The following ARHGAP29 variants were observed in gnomAD, a reference collection of about 807,000 sequenced individuals.
The protein encoded by ARHGAP29 is Rho GTPase activating protein 29, also known as rho GTPase-activating protein 29.
ARHGAP29 carries 43 observed loss-of-function variants against 122.6 expected under a neutral mutation model. The observed-to-expected ratio is 0.35, with a 90% CI of 0.27 to 0.45. The LOEUF is 0.45. Among genes scored for constraint, ARHGAP29 ranks in the 20% least tolerant of loss-of-function variants. The pLI, the probability that ARHGAP29 is intolerant of heterozygous loss-of-function variation, is 1.00. For missense variants in ARHGAP29, 1,303 were observed against 1,477.2 expected, an observed-to-expected ratio of 0.88 and a Z score of 1.93; for synonymous variants, 506 against 497.1, an observed-to-expected ratio of 1.02 and a Z score of -0.24.
At chr1:94,188,324 C>CA (rs2101422784) in intron 15 of ARHGAP29, among the ~76,000 whole-genome samples, 1 of 151,750 alleles carries the variant, frequency 6.6e-6, no homozygotes, top group African/African-American at 2.4e-5. Context: ...ACAGAAATAC[C>CA]AAAATAACAT....
Position 94,172,329 on chromosome 1 carries a change from TTTC to T in ARHGAP29, c.*1537_*1539del, listed in dbSNP as rs1266943222. 1 of 152,174 alleles carries T rather than the reference TTTC, an allele frequency of 6.6e-6. No individual in the cohort carries two copies. The highest frequency in any genetic ancestry group is 2.4e-5 in the African/African-American group (1 of 41,462). 9.4% of individuals were successfully genotyped at this position (152,174 alleles called of 1,614,324 possible). ...AGGCTCAATACACATGGGCTCTAATTTTCTTTTTAGGTATTCATAGCAATATGA... is the reference window on the plus strand; with the variant it reads ...AGGCTCAATACACATGGGCTCTAATTTTTTTAGGTATTCATAGCAATATGA... On this transcript the variant is annotated 3_prime_UTR_variant, in exon 23 of 23. Transcript: ENST00000260526.
chr1:94,297,517 T>G, the ARHGAP29 span, among the ~76,000 whole-genome samples: 1 of 152,214 alleles, frequency 6.6e-6, no homozygotes. Flanking sequence ...AGGCAGTCAC[T>G]TATTGCTGTT....
chr1:94,239,957 C>T (rs917649347), upstream of ARHGAP29, among the ~76,000 whole-genome samples: 1 of 152,176 alleles, frequency 6.6e-6, no homozygotes, highest in African/African-American at 2.4e-5. Flanking sequence ...GAGAATGATG[C>T]ACCATGGACA....
At position 94,173,875 on chromosome 1, in the gene ARHGAP29, A is replaced by C. The variant is rs1648905198; in HGVS notation, c.3780T>G (p.Phe1260Leu). 1 of 1,598,248 alleles carries C rather than the reference A, an allele frequency of 6.3e-7. No homozygotes were observed. The highest frequency in any genetic ancestry group is 8.6e-7 in the Non-Finnish European group (1 of 1,168,348). Residue 1260 changes from phenylalanine (F) to leucine (L), a missense_variant, in exon 23 of 23, where the codon TTT becomes TTG. Around this residue, in one of 3 missense-constraint regions of ARHGAP29, gnomAD observed 620 missense variants for 651.2 expected, o/e 0.95. Coordinates refer to ENST00000260526, the MANE Select transcript of ARHGAP29 (RefSeq NM_004815.4). ...ACCCTGAAATTTGACATCCCTACAC[A>C]AATTGTGGAATTTCACCTTCGAGGT... The part of the protein sequence containing the change: ...FEDLEGEIPQ[F>L]V
Position 94,249,789 on chromosome 1 carries a change from G to A in ARHGAP29, c.-32-18146C>T, listed in dbSNP as rs369322835. Among the ~76,000 whole-genome samples the A allele has an allele frequency of 1.8e-4, 28 of 151,808 alleles. No individual in the cohort carries two copies. The South Asian group carries it at 3.3e-3, about 18-fold the overall frequency. On this transcript the variant is annotated intron_variant and NMD_transcript_variant, in intron 1 of 25. Coordinates refer to the ARHGAP29 transcript ENST00000552844. ...AGAAAGAAAATTAGTCATCCTATTT[G>A]ACATCATATTGTACATAGGATACTA...
At chr1:94,203,057 G>A in intron 9 of ARHGAP29, 43 bp downstream of exon 9, 1 of 1,595,040 alleles carries the variant, frequency 6.3e-7, no homozygotes, top group Non-Finnish European at 8.5e-7. Flanking sequence ...GCATGCCATT[G>A]CTTAAAAATA....
At chr1:94,231,368 A>G in intron 2 of ARHGAP29, 39 bp downstream of exon 2, 11 of 1,564,820 alleles carry the variant, frequency 7.0e-6, no homozygotes, top group Non-Finnish European at 9.7e-6. Context: ...AAAATTTTAC[A>G]AACTATCCAG....
intron 1 of ARHGAP29, among the ~76,000 whole-genome samples, chr1:94,272,283 C>G (rs1655020597): frequency 6.6e-6 from 1 of 152,176 alleles, no homozygotes; most frequent in African/African-American, 2.4e-5. Context: ...GACTATGGGA[C>G]TATAGTTTGT....
At chr1:94,219,777 A>G (rs965124561) in intron 3 of ARHGAP29, among the ~76,000 whole-genome samples, 1 of 152,206 alleles carries the variant, frequency 6.6e-6, no homozygotes, top group African/African-American at 2.4e-5. Flanking sequence ...CTATAGATAC[A>G]CACACACCCA....
At chr1:94,192,672 T>C (rs182670872) in intron 12 of ARHGAP29, 3 of 152,234 alleles carry the variant, frequency 2.0e-5, no homozygotes, top group Admixed American at 2.0e-4. Flanking sequence ...GAAATTTCTG[T>C]TACTTTTTTC....
At chr1:94,270,778 C>T (rs1156694720) in intron 1 of ARHGAP29, among the ~76,000 whole-genome samples, 4 of 152,166 alleles carry the variant, frequency 2.6e-5, no homozygotes, top group Non-Finnish European at 5.9e-5. Context: ...CCATCAGAGA[C>T]GAACTTGAAA....
intron 15 of ARHGAP29, among the ~76,000 whole-genome samples, chr1:94,188,141 G>C (rs1164351457): frequency 6.6e-6 from 1 of 152,048 alleles, no homozygotes; most frequent in Admixed American, 6.6e-5. Context: ...GGGTTCAACT[G>C]CTACCTTCTT....
chr1:94,184,830 C>T, intron 18 of ARHGAP29, 42 bp downstream of exon 18: 1 of 1,440,092 alleles, frequency 6.9e-7, no homozygotes, highest in Non-Finnish European at 9.4e-7. Context: ...ATAGGTTACA[C>T]AGGCATTTAT....
intron 3 of ARHGAP29, among the ~76,000 whole-genome samples, chr1:94,218,834 T>C (rs1440939242): frequency 6.6e-6 from 1 of 152,178 alleles, no homozygotes; most frequent in Non-Finnish European, 1.5e-5. Context: ...AACTATATTT[T>C]GTAGACAAGG....
At chr1:94,206,148 A>G (rs541166131) in intron 5 of ARHGAP29, among the ~76,000 whole-genome samples, 321 of 152,308 alleles carry the variant, frequency 2.1e-3, no homozygotes, top group Non-Finnish European at 3.4e-3. Context: ...GAAGTGTTTT[A>G]TATCTGTACT....
chr1:94,214,100 T>C (rs940019735), intron 3 of ARHGAP29, among the ~76,000 whole-genome samples: 1 of 152,122 alleles, frequency 6.6e-6, no homozygotes, highest in Non-Finnish European at 1.5e-5. Flanking sequence ...CAGCCCTGAG[T>C]TCAAATCTGG....
the ARHGAP29 span, among the ~76,000 whole-genome samples, chr1:94,297,079 T>C: frequency 6.6e-6 from 1 of 152,032 alleles, no homozygotes; most frequent in Non-Finnish European, 1.5e-5. Context: ...GAGAGGGAAG[T>C]CTTGTAACTG....
At chr1:94,283,072 T>G in the ARHGAP29 span, among the ~76,000 whole-genome samples, 2 of 152,240 alleles carry the variant, frequency 1.3e-5, no homozygotes, top group South Asian at 4.1e-4. Context: ...TCAGCAACAT[T>G]TTTTTAACCT....
At chr1:94,175,207 CAT>C (rs1324908134) in intron 22 of ARHGAP29, among the ~76,000 whole-genome samples, 2 of 152,180 alleles carry the variant, frequency 1.3e-5, no homozygotes, top group Non-Finnish European at 2.9e-5. Flanking sequence ...CCAGTGAGAG[CAT>C]ATGATATTAG....
Sources: gnomAD v4.1 joint callset for allele counts (sites outside exome capture counted in the v4.1 genomes callset) on GRCh38, gnomAD v4.1.1 for gene constraint, gnomAD v4.1.1 regional missense constraint, MANE v1.5 for transcripts, NCBI Gene and HGNC (gene_info 2026-07-23, HGNC 2026-07-21) for gene names.